The following DNAAF11 variants were observed in gnomAD, a reference collection of about 807,000 sequenced individuals.
The protein encoded by DNAAF11 is leucine rich repeat containing 6.
Under a neutral mutation model 60.8 loss-of-function variants are expected in DNAAF11, and 45 were observed. The observed-to-expected ratio is 0.74, with a 90% CI of 0.58 to 0.95. DNAAF11 has a LOEUF of 0.95. Among genes scored for constraint, DNAAF11 ranks in the 40% least tolerant of loss-of-function variants. The probability of loss-of-function intolerance (pLI) is 0.00; values close to 1 mark genes in which losing one functional copy is unlikely to be tolerated. For synonymous variants in DNAAF11, 191 were observed against 183.5 expected, an observed-to-expected ratio of 1.04 and a Z score of -0.33; for missense variants, 546 against 546.2, an observed-to-expected ratio of 1.00 and a Z score of 0.00.
intron 3 of DNAAF11, among the ~76,000 whole-genome samples, chr8:132,650,426 G>A (rs531872274): frequency 1.4e-3 from 213 of 152,256 alleles, no homozygotes; most frequent in African/African-American, 5.0e-3. Flanking sequence ...TAAATGATGA[G>A]TTAATGGGTG....
intron 5 of DNAAF11, among the ~76,000 whole-genome samples, chr8:132,627,471 T>G (rs750308400): frequency 5.9e-5 from 9 of 152,204 alleles, no homozygotes; most frequent in Non-Finnish European, 1.2e-4. Flanking sequence ...CTCAGAACTC[T>G]CTTCCCATCC....
rs1563642629 is a variant in DNAAF11, at chr8:132,625,406, T to G, written c.702A>C (p.Glu234Asp). 1 of 1,613,538 alleles carries G rather than the reference T, an allele frequency of 6.2e-7. No individual in the cohort carries two copies. The highest frequency in any genetic ancestry group is 2.2e-5 in the East Asian group (1 of 44,860). ...KDHLQAPDTEEHNTKKLDNSE... is the reference protein window; with the variant it reads ...KDHLQAPDTEDHNTKKLDNSE... Reference sequence around the variant, plus strand: ...TGTTGTCTAATTTCTTTGTGTTGTGTTCCTCTGTGTCTGGTGCCTGTAGGT... The same window carrying G: ...TGTTGTCTAATTTCTTTGTGTTGTGGTCCTCTGTGTCTGGTGCCTGTAGGT... The change falls in exon 6 of 12, where the codon GAA (glutamate) becomes GAC (aspartate). Residue 234 changes from glutamate to aspartate, a missense_variant. Glu to Asp is a conservative substitution (Grantham distance 45, BLOSUM62 2). Transcript: ENST00000620350.
chr8:132,591,128 C>T (rs1385725519), intron 10 of DNAAF11, among the ~76,000 whole-genome samples: 7 of 152,106 alleles, frequency 4.6e-5, no homozygotes, highest in Non-Finnish European at 7.4e-5. Context: ...TCATAATGTA[C>T]ATTTTAAGGC....
chr8:132,689,876 T>C, the DNAAF11 span, among the ~76,000 whole-genome samples: 1 of 151,740 alleles, frequency 6.6e-6, no homozygotes, highest in South Asian at 2.1e-4. Flanking sequence ...TTGCATCCTG[T>C]GAATATTTTT....
intron 1 of DNAAF11, among the ~76,000 whole-genome samples, chr8:132,669,624 C>T (rs987809592): frequency 6.6e-6 from 1 of 152,054 alleles, no homozygotes; most frequent in South Asian, 2.1e-4. Flanking sequence ...TTCCTGAAAC[C>T]AGAGGACAGA....
chr8:132,628,352 C>A (rs1387098422), intron 5 of DNAAF11, among the ~76,000 whole-genome samples: 2 of 151,972 alleles, frequency 1.3e-5, no homozygotes, highest in Admixed American at 6.6e-5. Flanking sequence ...GCAGAGATTG[C>A]GGTGAGCCGA....
chr8:132,691,534 C>T, the DNAAF11 span, among the ~76,000 whole-genome samples: 1 of 152,082 alleles, frequency 6.6e-6, no homozygotes, highest in Admixed American at 6.6e-5. Context: ...TGAGACTCGG[C>T]AATTTATACA....
At chr8:132,644,589 G>A (rs953411108) in intron 3 of DNAAF11, among the ~76,000 whole-genome samples, 10 of 152,124 alleles carry the variant, frequency 6.6e-5, no homozygotes, top group Non-Finnish European at 1.0e-4. Flanking sequence ...CTAGGCAAGG[G>A]AAGCCATGAC....
chr8:132,671,395 T>C (rs912947729), intron 1 of DNAAF11, among the ~76,000 whole-genome samples: 1 of 152,214 alleles, frequency 6.6e-6, no homozygotes, highest in African/African-American at 2.4e-5. Flanking sequence ...TCTAAATAAA[T>C]GGAGATATAT....
intron 10 of DNAAF11, among the ~76,000 whole-genome samples, chr8:132,592,274 G>A (rs1816545993): frequency 6.6e-6 from 1 of 152,206 alleles, no homozygotes; most frequent in African/African-American, 2.4e-5. Flanking sequence ...GCTTGCTGTA[G>A]GAGCATTGTG....
intron 8 of DNAAF11, 66 bp from the exon 9 acceptor site, chr8:132,611,429 T>C (rs908641041): frequency 1.1e-6 from 1 of 910,826 alleles, no homozygotes; most frequent in Non-Finnish European, 1.7e-6. Context: ...AGTGCAAATA[T>C]AAATTCACAC....
chr8:132,690,056 T>C, the DNAAF11 span, among the ~76,000 whole-genome samples: 1 of 152,236 alleles, frequency 6.6e-6, no homozygotes, highest in Non-Finnish European at 1.5e-5. Context: ...GTTTGAGTTA[T>C]GTTACCTGCA....
the DNAAF11 span, among the ~76,000 whole-genome samples, chr8:132,696,652 T>C: frequency 3.6e-3 from 542 of 152,186 alleles, 4 homozygotes; most frequent in Non-Finnish European, 4.4e-3. Context: ...ATGAAATCAG[T>C]GACAAGATTG....
chr8:132,669,476 TGA>T (rs1228197416), intron 1 of DNAAF11, among the ~76,000 whole-genome samples: 1 of 152,180 alleles, frequency 6.6e-6, no homozygotes, highest in Non-Finnish European at 1.5e-5. Context: ...TAGAGAAATG[TGA>T]GAGAAACTGT....
intron 10 of DNAAF11, among the ~76,000 whole-genome samples, chr8:132,609,310 T>C (rs2129932551): frequency 6.6e-6 from 1 of 151,740 alleles, no homozygotes; most frequent in South Asian, 2.1e-4. Flanking sequence ...ATGTAAATGT[T>C]ATGTAAGTAG....
intron 3 of DNAAF11, among the ~76,000 whole-genome samples, chr8:132,645,648 T>G (rs188031450): frequency 1.3e-5 from 2 of 152,194 alleles, no homozygotes; most frequent in African/African-American, 4.8e-5. Flanking sequence ...AGACCTTAAA[T>G]GACCTGATGG....
chr8:132,590,250 C>A (rs1444340691), intron 10 of DNAAF11, among the ~76,000 whole-genome samples: 2 of 152,218 alleles, frequency 1.3e-5, no homozygotes, highest in Non-Finnish European at 2.9e-5. Flanking sequence ...GCTTTCACAA[C>A]CCCTGTCTGC....
intron 10 of DNAAF11, chr8:132,608,278 C>T (rs928810605): frequency 1.3e-4 from 23 of 180,888 alleles, no homozygotes; most frequent in Admixed American, 1.0e-3. Context: ...ACATAGTAGT[C>T]GAAAATCTTA....
intron 5 of DNAAF11, among the ~76,000 whole-genome samples, chr8:132,632,096 C>T (rs1322796235): frequency 6.6e-6 from 1 of 151,046 alleles, no homozygotes; most frequent in Non-Finnish European, 1.5e-5. Flanking sequence ...GGTAGAACTA[C>T]AAGCTGCCTA....
Sources: allele counts gnomAD v4.1 joint callset (sites outside exome capture counted in the v4.1 genomes callset), GRCh38; gene constraint gnomAD v4.1.1; transcripts MANE v1.5; gene names NCBI Gene and HGNC (gene_info 2026-07-23, HGNC 2026-07-21).